ADAMTSL1: variants seen among roughly 807,000 people sequenced by gnomAD.
ADAMTSL1 encodes the protein ADAMTS like 1.
In ADAMTSL1, 126 loss-of-function variants were observed where a neutral mutation model predicts 201.8. That is an observed-to-expected ratio of 0.62 (90% CI 0.54 to 0.72). The LOEUF (loss-of-function observed/expected upper bound fraction) is 0.72. Ranked by LOEUF, ADAMTSL1 falls within the 30% of genes least tolerant of loss-of-function variation. ADAMTSL1 has a pLI of 0.00. For synonymous variants in ADAMTSL1, 1,121 were observed against 903.4 expected (o/e 1.24, Z -4.32); for missense variants, 2,679 against 2,277.8 (o/e 1.18, Z -3.59).
At chr9:18,092,710 A>G (rs935801551) in intron 1 of ADAMTSL1, among the ~76,000 whole-genome samples, 1 of 152,200 alleles carries the variant, frequency 6.6e-6, no homozygotes, top group Non-Finnish European at 1.5e-5. Context: ...TAGTCAGGAT[A>G]CTTTGGGCCA....
chr9:18,565,185 G>C (rs1821798495), intron 3 of ADAMTSL1, among the ~76,000 whole-genome samples: 1 of 152,212 alleles, frequency 6.6e-6, no homozygotes, highest in Non-Finnish European at 1.5e-5. Flanking sequence ...GTCTGGACCT[G>C]AATGAAGACA....
chr9:18,494,181 C>A (rs1451406287), intron 1 of ADAMTSL1, among the ~76,000 whole-genome samples: 2 of 152,042 alleles, frequency 1.3e-5, no homozygotes, highest in East Asian at 1.9e-4. Flanking sequence ...CATGGTGAAA[C>A]CCTGTCTCTA....
chr9:18,160,401 C>A (rs1175966639), intron 1 of ADAMTSL1, among the ~76,000 whole-genome samples: 1 of 151,974 alleles, frequency 6.6e-6, no homozygotes, highest in African/African-American at 2.4e-5. Flanking sequence ...AAGAGATACT[C>A]TCTGGCCCCT....
At chr9:18,218,709 G>C (rs968989044) in intron 2 of ADAMTSL1, among the ~76,000 whole-genome samples, 4 of 151,546 alleles carry the variant, frequency 2.6e-5, no homozygotes, top group Non-Finnish European at 5.9e-5. Flanking sequence ...TTCAGGGTGT[G>C]GCTTATTTTT....
intron 4 of ADAMTSL1, among the ~76,000 whole-genome samples, chr9:18,605,818 G>A (rs142586557): frequency 6.6e-6 from 1 of 152,188 alleles, no homozygotes; most frequent in East Asian, 1.9e-4. Flanking sequence ...GACTGAAAGG[G>A]GTCAAAGCTG....
At chr9:18,189,132 T>A (rs1484685422) in intron 2 of ADAMTSL1, among the ~76,000 whole-genome samples, 1 of 151,998 alleles carries the variant, frequency 6.6e-6, no homozygotes, top group African/African-American at 2.4e-5. Flanking sequence ...GAGACAGGCG[T>A]TAAGAGGAAG....
At chr9:18,206,409 A>G (rs888726674) in intron 2 of ADAMTSL1, among the ~76,000 whole-genome samples, 3 of 151,996 alleles carry the variant, frequency 2.0e-5, no homozygotes, top group African/African-American at 7.3e-5. Flanking sequence ...CCCTATCTCA[A>G]ATTTCCTTCA....
chr9:18,895,770 C>CAGAG (rs1829595195), intron 26 of ADAMTSL1, among the ~76,000 whole-genome samples: 2 of 152,154 alleles, frequency 1.3e-5, no homozygotes, highest in South Asian at 4.1e-4. Flanking sequence ...AGCCAGTCTA[C>CAGAG]AGAGAGTAGG....
chr9:17,954,034 G>C (rs1353629656), intron 1 of ADAMTSL1, among the ~76,000 whole-genome samples: 1 of 152,172 alleles, frequency 6.6e-6, no homozygotes, highest in East Asian at 1.9e-4. Flanking sequence ...TCTGGAGTCT[G>C]GGCTGGGATA....
chr9:18,258,677 G>T (rs1277709329), intron 2 of ADAMTSL1, among the ~76,000 whole-genome samples: 1 of 151,976 alleles, frequency 6.6e-6, no homozygotes, highest in African/African-American at 2.4e-5. Context: ...TCTTTCCCTG[G>T]CTCCTGGAGT....
intron 23 of ADAMTSL1, among the ~76,000 whole-genome samples, chr9:18,886,164 GTGTA>G (rs66488956): frequency 0.051 from 3,168 of 61,800 alleles, 55 homozygotes; most frequent in East Asian, 0.065. Context: ...GAGTGTGTAT[GTGTA>G]TATATATATA....
intron 1 of ADAMTSL1, among the ~76,000 whole-genome samples, chr9:17,940,026 G>T (rs1249046155): frequency 6.6e-6 from 1 of 152,032 alleles, no homozygotes; most frequent in South Asian, 2.1e-4. Context: ...TGAGAAAGGA[G>T]GGTGTATTGG....
chr9:18,882,713 G>A (rs1427334031), intron 23 of ADAMTSL1, among the ~76,000 whole-genome samples: 1 of 152,108 alleles, frequency 6.6e-6, no homozygotes, highest in Non-Finnish European at 1.5e-5. Context: ...GTGATACAGG[G>A]CCAGGCAAGG....
At chr9:18,739,899 C>CTGTGTGTGTG (rs5896804) in intron 15 of ADAMTSL1, among the ~76,000 whole-genome samples, 8,465 of 148,134 alleles carry the variant, frequency 0.057, 266 homozygotes, top group East Asian at 0.14. Context: ...TGTCTACTAT[C>CTGTGTGTGTG]TGTGTGTGTG....
chr9:18,472,395 C>T (rs1821249862), upstream of ADAMTSL1, among the ~76,000 whole-genome samples: 1 of 152,204 alleles, frequency 6.6e-6, no homozygotes, highest in Non-Finnish European at 1.5e-5. Context: ...AAGGGAAAAG[C>T]ATATTTCAAG....
intron 2 of ADAMTSL1, among the ~76,000 whole-genome samples, chr9:18,349,713 T>A (rs1835879921): frequency 6.6e-6 from 1 of 152,094 alleles, no homozygotes; most frequent in Non-Finnish European, 1.5e-5. Flanking sequence ...TGGAATCTAT[T>A]CAAGGCAAAA....
chr9:18,730,840 T>G (rs1374885840), intron 15 of ADAMTSL1, among the ~76,000 whole-genome samples: 1 of 152,224 alleles, frequency 6.6e-6, no homozygotes, highest in Non-Finnish European at 1.5e-5. Flanking sequence ...AACTTACTGC[T>G]ATTGACTCTG....
intron 2 of ADAMTSL1, among the ~76,000 whole-genome samples, chr9:18,176,040 C>G (rs965715119): frequency 6.1e-5 from 6 of 98,186 alleles, no homozygotes; most frequent in Non-Finnish European, 8.5e-5. Context: ...AAAAGGCAAA[C>G]AAAGGTTTCG....
chr9:18,470,141 C>T (rs1821150893), upstream of ADAMTSL1, among the ~76,000 whole-genome samples: 1 of 152,150 alleles, frequency 6.6e-6, no homozygotes, highest in Non-Finnish European at 1.5e-5. Flanking sequence ...AAATTTCCTG[C>T]CTGCTAATAA....
Sources: gnomAD v4.1 joint callset for allele counts (sites outside exome capture counted in the v4.1 genomes callset) on GRCh38, gnomAD v4.1.1 for gene constraint, MANE v1.5 for transcripts, NCBI Gene and HGNC (gene_info 2026-07-23, HGNC 2026-07-21) for gene names.